PARD3B: variants seen among roughly 807,000 people sequenced by gnomAD.
The protein encoded by PARD3B is partitioning defective 3 homolog B.
In PARD3B, 103 loss-of-function variants were observed where a neutral mutation model predicts 130.2. That is an observed-to-expected ratio of 0.79 (90% CI 0.67 to 0.93). The LOEUF is 0.93. PARD3B is among the 40% of genes least tolerant of loss of function. The pLI is 0.00. For missense variants in PARD3B, 1,609 were observed against 1,499.2 expected (o/e 1.07, Z -1.21); for synonymous variants, 583 against 553.2 (o/e 1.05, Z -0.76).
intron 1 of PARD3B, among the ~76,000 whole-genome samples, chr2:204,573,963 A>C (rs113048685): frequency 1.2e-4 from 19 of 152,316 alleles, no homozygotes; most frequent in African/African-American, 3.8e-4. Flanking sequence ...AGTATGTCTT[A>C]GCAGCCACTG....
rs1008613356 is a variant in PARD3B, at chr2:204,584,839, A to G, written c.120+38720A>G. On this transcript the variant is annotated intron_variant, in intron 1 of 22. Transcript: ENST00000406610. Reference sequence around the variant, plus strand: ...GGCCCAGAAACCACTGGGCCTTCCAAACAAAGGGAATTTAAGACAGGGCAT... The same window carrying G: ...GGCCCAGAAACCACTGGGCCTTCCAGACAAAGGGAATTTAAGACAGGGCAT... Among the ~76,000 whole-genome samples, 7 of 152,330 alleles carry G rather than the reference A, an allele frequency of 4.6e-5. No homozygotes were observed. The East Asian group carries it at 9.7e-4, about 21-fold the overall frequency.
chr2:204,963,305 T>C (rs1333686929), intron 2 of PARD3B, among the ~76,000 whole-genome samples: 3 of 152,118 alleles, frequency 2.0e-5, no homozygotes, highest in Admixed American at 6.6e-5. Context: ...AAAATATTTA[T>C]CTTACGAGTT....
chr2:205,007,229 A>G (rs1051579608), intron 3 of PARD3B, among the ~76,000 whole-genome samples: 2 of 152,064 alleles, frequency 1.3e-5, no homozygotes, highest in Admixed American at 1.3e-4. Flanking sequence ...CGTGATTGTA[A>G]GTTTTCTGGG....
At chr2:204,741,116 C>A (rs936509131) in intron 2 of PARD3B, among the ~76,000 whole-genome samples, 1 of 152,030 alleles carries the variant, frequency 6.6e-6, no homozygotes, top group Non-Finnish European at 1.5e-5. Context: ...TTAAAAATGG[C>A]AGGTTTTGCT....
At chr2:205,221,353 G>T (rs547973789) in intron 15 of PARD3B, among the ~76,000 whole-genome samples, 2 of 152,156 alleles carry the variant, frequency 1.3e-5, no homozygotes, top group Non-Finnish European at 2.9e-5. Context: ...AACATTCATC[G>T]GATGGAGATG....
In PARD3B at chr2:204,678,565, T is replaced by A. The variant is rs965826411; in HGVS notation, c.121-7616T>A. Among the ~76,000 whole-genome samples the A allele has an allele frequency of 6.6e-6, 1 of 152,116 alleles. No homozygotes were observed. Among genetic ancestry groups the A allele is most frequent in the Non-Finnish European group, 1.5e-5 (1 of 68,030 alleles). ...AAGTAGTCTTTCCTTGAAGCCTGGC[T>A]GACTCCAGCCGGGTCGTCTCCGAAG... On this transcript the variant is annotated intron_variant, in intron 1 of 22. Coordinates refer to ENST00000406610, the MANE Select transcript of PARD3B (RefSeq NM_001302769.2). This position sits in a 1 kb window ranked among gnomAD's most constrained non-coding sequence, Gnocchi z 4.2.
At chr2:204,796,092 T>C (rs1354483067) in intron 2 of PARD3B, among the ~76,000 whole-genome samples, 1 of 152,214 alleles carries the variant, frequency 6.6e-6, no homozygotes, top group Non-Finnish European at 1.5e-5. Flanking sequence ...TCCAAAAAGA[T>C]GTTAATGAAA....
At chr2:205,168,320 A>T (rs7574487) in intron 11 of PARD3B, among the ~76,000 whole-genome samples, 25,162 of 120,030 alleles carry the variant, frequency 0.21, 2,625 homozygotes, top group Middle Eastern at 0.25. Flanking sequence ...AGAGAGAGAG[A>T]GTGTGTGTGT....
intron 1 of PARD3B, among the ~76,000 whole-genome samples, chr2:204,637,035 A>G (rs1034262888): frequency 1.3e-5 from 2 of 152,192 alleles, no homozygotes; most frequent in Admixed American, 1.3e-4. Context: ...AACTTTGGAA[A>G]ATAAACACTT....
chr2:205,296,451 G>A (rs552233038), intron 16 of PARD3B, among the ~76,000 whole-genome samples: 15 of 152,274 alleles, frequency 9.9e-5, no homozygotes, highest in Admixed American at 9.2e-4. Flanking sequence ...AGGACCTTCT[G>A]TTTCATAGCA....
chr2:204,920,160 T>G (rs2047613445), intron 2 of PARD3B, among the ~76,000 whole-genome samples: 1 of 152,220 alleles, frequency 6.6e-6, no homozygotes, highest in South Asian at 2.1e-4. Context: ...CAAAAAGTCT[T>G]AAGGTTCAAC....
intron 18 of PARD3B, among the ~76,000 whole-genome samples, chr2:205,364,201 G>A (rs141457720): frequency 2.4e-4 from 37 of 152,246 alleles, no homozygotes; most frequent in African/African-American, 8.9e-4. Flanking sequence ...ACACTTAGAC[G>A]TGTTCAAAGC....
intron 2 of PARD3B, among the ~76,000 whole-genome samples, chr2:204,710,087 C>T (rs1272025546): frequency 6.6e-6 from 1 of 152,066 alleles, no homozygotes; most frequent in African/African-American, 2.4e-5. Flanking sequence ...CTATTTCTTA[C>T]GTTAAAATAA....
intron 10 of PARD3B, among the ~76,000 whole-genome samples, chr2:205,136,887 T>A (rs995089633): frequency 2.0e-5 from 3 of 152,228 alleles, no homozygotes; most frequent in Non-Finnish European, 4.4e-5. Flanking sequence ...AATCAATTGT[T>A]CAGCAAGTAT....
intron 2 of PARD3B, among the ~76,000 whole-genome samples, chr2:204,741,169 G>A (rs547406704): frequency 1.4e-4 from 22 of 152,192 alleles, no homozygotes; most frequent in African/African-American, 5.1e-4. Flanking sequence ...TTTGTAGAGA[G>A]CTAACAACTT....
At chr2:204,911,379 T>A (rs1246346308) in intron 2 of PARD3B, among the ~76,000 whole-genome samples, 2 of 152,232 alleles carry the variant, frequency 1.3e-5, no homozygotes, top group South Asian at 2.1e-4. Context: ...AGATCATCAG[T>A]GGTGTTCACC....
chr2:205,283,647 A>T (rs2041276051), intron 16 of PARD3B, among the ~76,000 whole-genome samples: 1 of 152,212 alleles, frequency 6.6e-6, no homozygotes, highest in Non-Finnish European at 1.5e-5. Flanking sequence ...TCTGATCAGT[A>T]TTCTATATCA....
At position 205,351,261 on chromosome 2, in the gene PARD3B, A is replaced by G. The variant is rs1217121875; in HGVS notation, c.2630+49560A>G. Reference sequence around the variant, plus strand: ...TGTGAAACTAAATAAATACGGGTACATCTTTGAAACCGGTGTTTTTGATAA... The same window carrying G: ...TGTGAAACTAAATAAATACGGGTACGTCTTTGAAACCGGTGTTTTTGATAA... On this transcript the variant is annotated intron_variant, in intron 18 of 22. Transcript: ENST00000406610. This position sits in a 1 kb window ranked among gnomAD's most constrained non-coding sequence, Gnocchi z 4.2. 6.6e-6 allele frequency among the ~76,000 whole-genome samples: 1 copy of G among 152,220 alleles called. No individual in the cohort carries two copies. Among genetic ancestry groups the G allele is most frequent in the African/African-American group, 2.4e-5 (1 of 41,460 alleles).
Position 205,446,645 on chromosome 2 carries a change from A to G in PARD3B, c.3044+5973A>G, listed in dbSNP as rs2047916725. On this transcript the variant is annotated intron_variant, in intron 20 of 22. Transcript: ENST00000406610. This position sits in a 1 kb window ranked among gnomAD's most constrained non-coding sequence, Gnocchi z 4.4. ...CTTCAGTCCATCTTAGAAAAAAAAAATTGCCTTATAAAAGATTCATCTATA... is the reference window on the plus strand; with the variant it reads ...CTTCAGTCCATCTTAGAAAAAAAAAGTTGCCTTATAAAAGATTCATCTATA... 6.7e-6 allele frequency among the ~76,000 whole-genome samples: 1 copy of G among 150,286 alleles called. No individual in the cohort carries two copies. The highest frequency in any genetic ancestry group is 2.5e-5 in the African/African-American group (1 of 40,000).
Sources: gnomAD v4.1 joint callset for allele counts (sites outside exome capture counted in the v4.1 genomes callset) on GRCh38, gnomAD v4.1.1 for gene constraint, Gnocchi (gnomAD v3.1) non-coding constraint, MANE v1.5 for transcripts, NCBI Gene and HGNC (gene_info 2026-07-23, HGNC 2026-07-21) for gene names.